The following AUTS2 variants were observed in gnomAD, a reference collection of about 807,000 sequenced individuals.
AUTS2 encodes the protein autism susceptibility gene 2 protein.
In AUTS2, 17 loss-of-function variants were observed where a neutral mutation model predicts 112.4. The observed-to-expected ratio is 0.15, with a 90% confidence interval of 0.10 to 0.23. AUTS2 has a LOEUF of 0.23. Ranked by LOEUF, AUTS2 falls within the 10% of genes least tolerant of loss-of-function variation. The pLI, the probability that AUTS2 is intolerant of heterozygous loss-of-function variation, is 1.00. For synonymous variants in AUTS2, 751 were observed against 702.7 expected (o/e 1.07, Z -1.09); for missense variants, 1,510 against 1,701.6 (o/e 0.89, Z 1.98).
At chr7:70,599,319 A>C (rs1803357328) in intron 5 of AUTS2, among the ~76,000 whole-genome samples, 1 of 152,240 alleles carries the variant, frequency 6.6e-6, no homozygotes, top group South Asian at 2.1e-4. Context: ...TCTCAAGGAC[A>C]GGGTAATCTC....
At chr7:70,010,023 T>C (rs1799724276) in intron 2 of AUTS2, among the ~76,000 whole-genome samples, 1 of 152,254 alleles carries the variant, frequency 6.6e-6, no homozygotes, top group Admixed American at 6.5e-5. Context: ...GGCTTTATCT[T>C]TCTTACTGCC....
At chr7:70,209,871 C>G (rs1435120713) in intron 4 of AUTS2, among the ~76,000 whole-genome samples, 2 of 152,136 alleles carry the variant, frequency 1.3e-5, no homozygotes, top group Non-Finnish European at 2.9e-5. Context: ...TTTCCCCAAA[C>G]TAATGTTTAG....
chr7:70,781,855 C>G, intron 15 of AUTS2, 99 bp downstream of exon 15: 1 of 1,476,680 alleles, frequency 6.8e-7, no homozygotes, highest in Non-Finnish European at 9.1e-7. Context: ...TCAGTCACCA[C>G]CTACAAAAAT....
intron 5 of AUTS2, among the ~76,000 whole-genome samples, chr7:70,489,803 A>G (rs961991714): frequency 2.6e-5 from 4 of 152,206 alleles, no homozygotes; most frequent in African/African-American, 9.7e-5. Flanking sequence ...GTGTGAGGGG[A>G]GTATTTGAGC....
intron 6 of AUTS2, among the ~76,000 whole-genome samples, chr7:70,713,754 G>T (rs890142619): frequency 1.3e-5 from 2 of 152,174 alleles, no homozygotes; most frequent in South Asian, 2.1e-4. Context: ...AATTAGCCGG[G>T]CGTGGTGGCG....
At chr7:70,536,505 ACTC>A (rs1297014571) in intron 5 of AUTS2, among the ~76,000 whole-genome samples, 1 of 146,622 alleles carries the variant, frequency 6.8e-6, no homozygotes, top group Non-Finnish European at 1.5e-5. Flanking sequence ...TCTGCAGAGA[ACTC>A]CTCTAAGAAA....
chr7:70,773,972 T>C, intron 11 of AUTS2, 56 bp from the exon 12 acceptor site: 1 of 1,538,732 alleles, frequency 6.5e-7, no homozygotes, highest in Non-Finnish European at 9.0e-7. Flanking sequence ...AGGATCTTGC[T>C]TTCATGTCAC....
intron 2 of AUTS2, among the ~76,000 whole-genome samples, chr7:69,971,937 T>C (rs1289786433): frequency 6.6e-6 from 1 of 152,188 alleles, no homozygotes. Flanking sequence ...TCTAGGATAA[T>C]TGTCCAAGAG....
At chr7:69,750,401 T>G (rs922792567) in intron 1 of AUTS2, among the ~76,000 whole-genome samples, 4 of 148,548 alleles carry the variant, frequency 2.7e-5, no homozygotes, top group Non-Finnish European at 5.9e-5. Flanking sequence ...ATTATATTAG[T>G]ATATATTAGT....
At chr7:70,406,399 G>A (rs748258637) in intron 4 of AUTS2, among the ~76,000 whole-genome samples, 13 of 152,142 alleles carry the variant, frequency 8.5e-5, no homozygotes, top group East Asian at 5.8e-4. Flanking sequence ...TGTCCCACCC[G>A]CCTGCACACA....
intron 5 of AUTS2, among the ~76,000 whole-genome samples, chr7:70,504,992 C>A (rs1798907557): frequency 6.6e-6 from 1 of 152,146 alleles, no homozygotes; most frequent in African/African-American, 2.4e-5. Flanking sequence ...TCAAAAGCTG[C>A]CTCTGAACAG....
At chr7:69,676,330 T>G (rs563134277) in intron 1 of AUTS2, among the ~76,000 whole-genome samples, 1 of 152,374 alleles carries the variant, frequency 6.6e-6, no homozygotes, top group African/African-American at 2.4e-5. Flanking sequence ...TTAGCATCTC[T>G]GAACAAACCT....
chr7:69,756,214 G>A (rs994620112), intron 1 of AUTS2, among the ~76,000 whole-genome samples: 1 of 152,214 alleles, frequency 6.6e-6, no homozygotes, highest in African/African-American at 2.4e-5. Context: ...ACAGTGTCAT[G>A]TTTAGTCTTT....
chr7:70,580,534 T>G (rs1454616421), intron 5 of AUTS2, among the ~76,000 whole-genome samples: 1 of 152,168 alleles, frequency 6.6e-6, no homozygotes, highest in Admixed American at 6.5e-5. Flanking sequence ...GAATTCAGCC[T>G]CAGGATACAA....
intron 1 of AUTS2, among the ~76,000 whole-genome samples, chr7:69,843,229 T>C (rs1792057915): frequency 6.6e-6 from 1 of 152,096 alleles, no homozygotes; most frequent in Admixed American, 6.6e-5. Context: ...TCAGGAAATA[T>C]CTCATAGATG....
At chr7:70,708,667 A>C (rs1366569265) in intron 6 of AUTS2, among the ~76,000 whole-genome samples, 2 of 152,124 alleles carry the variant, frequency 1.3e-5, no homozygotes, top group Non-Finnish European at 2.9e-5. Context: ...AGCAGACCAA[A>C]AATTGACCAG....
chr7:69,665,388 A>AT (rs147272754), intron 1 of AUTS2, among the ~76,000 whole-genome samples: 14,853 of 152,176 alleles, frequency 0.098, 1,145 homozygotes, highest in African/African-American at 0.21. Context: ...GTAGTGATGC[A>AT]TTTTTTAAGG....
chr7:69,759,219 G>A (rs766272688), intron 1 of AUTS2, among the ~76,000 whole-genome samples: 5 of 151,894 alleles, frequency 3.3e-5, no homozygotes, highest in Non-Finnish European at 7.4e-5. Flanking sequence ...TCTCTTATCC[G>A]AATTGCTTGG....
At chr7:69,670,114 C>T (rs755608028) in intron 1 of AUTS2, among the ~76,000 whole-genome samples, 7 of 152,152 alleles carry the variant, frequency 4.6e-5, no homozygotes, top group Non-Finnish European at 8.8e-5. Context: ...GCCCTTCCAC[C>T]CCCAGACTGT....
Sources: gnomAD v4.1 joint callset for allele counts (sites outside exome capture counted in the v4.1 genomes callset) on GRCh38, gnomAD v4.1.1 for gene constraint, MANE v1.5 for transcripts, NCBI Gene and HGNC (gene_info 2026-07-23, HGNC 2026-07-21) for gene names.